The following PLXNA4 variants were observed in gnomAD, a reference collection of about 807,000 sequenced individuals.
PLXNA4 encodes plexin-A4.
PLXNA4 carries 44 observed loss-of-function variants against 191.8 expected under a neutral mutation model. The ratio of observed to expected loss-of-function variants is 0.23; its 90% confidence interval spans 0.18 to 0.29. PLXNA4 has a LOEUF of 0.29. Ranked by LOEUF, PLXNA4 falls within the 10% of genes least tolerant of loss-of-function variation. The probability of loss-of-function intolerance (pLI) is 1.00; values close to 1 mark genes in which losing one functional copy is unlikely to be tolerated. For missense variants in PLXNA4, 1,800 were observed against 2,488.8 expected, an observed-to-expected ratio of 0.72 and a Z score of 5.89; for synonymous variants, 1,082 against 1,009.5, an observed-to-expected ratio of 1.07 and a Z score of -1.36.
intron 2 of PLXNA4, among the ~76,000 whole-genome samples, chr7:132,630,092 C>T (rs1051247144): frequency 2.6e-5 from 4 of 152,150 alleles, no homozygotes; most frequent in Non-Finnish European, 5.9e-5. Context: ...CCTTGTGATC[C>T]ACCTGCCTCG....
At chr7:132,180,266 A>T (rs1796661208) in intron 19 of PLXNA4, among the ~76,000 whole-genome samples, 1 of 152,184 alleles carries the variant, frequency 6.6e-6, no homozygotes. Context: ...GAAGCACAGA[A>T]CATGATATTA....
At position 132,124,124 on chromosome 7, in the gene PLXNA4, C is replaced by CGTAT. The variant is rs1413760030; in HGVS notation, c.*6351_*6354dup. 1 of 152,200 alleles carries CGTAT rather than the reference C, an allele frequency of 6.6e-6. No individual in the cohort carries two copies. Among genetic ancestry groups the CGTAT allele is most frequent in the Admixed American group, 6.5e-5 (1 of 15,278 alleles). The allele number at this position is 152,200 out of a possible 1,614,324, so 9.4% of individuals were successfully genotyped here. On this transcript the variant is annotated 3_prime_UTR_variant, in exon 32 of 32. Coordinates refer to ENST00000321063, the MANE Select transcript of PLXNA4 (RefSeq NM_020911.2). ...AGCCAACACACGACTAAGCAAAGAC[C>CGTAT]GTATGTCTCAAGGACACCAGGCCAA...
At chr7:132,223,681 G>A in intron 8 of PLXNA4, 40 bp from the exon 9 acceptor site, 1 of 1,540,640 alleles carries the variant, frequency 6.5e-7, no homozygotes. Context: ...TAAGAACCTG[G>A]ATGAGCCCAA....
intron 3 of PLXNA4, among the ~76,000 whole-genome samples, chr7:132,377,960 T>C (rs967966142): frequency 2.6e-5 from 4 of 152,128 alleles, no homozygotes; most frequent in African/African-American, 9.7e-5. Flanking sequence ...AGGCAATGGA[T>C]AGGGCTTTCA....
At chr7:132,172,074 G>C (rs971921308) in intron 21 of PLXNA4, among the ~76,000 whole-genome samples, 2 of 152,140 alleles carry the variant, frequency 1.3e-5, no homozygotes, top group Non-Finnish European at 2.9e-5. Flanking sequence ...GAAGGAAGGA[G>C]ATGGAAGTGA....
chr7:132,136,993 C>T (rs946105258), intron 30 of PLXNA4, among the ~76,000 whole-genome samples: 2 of 152,096 alleles, frequency 1.3e-5, no homozygotes, highest in African/African-American at 2.4e-5. Context: ...GTGTGGCCTC[C>T]CTGACCACAG....
chr7:132,303,152 C>T (rs1029025488), intron 3 of PLXNA4, among the ~76,000 whole-genome samples: 5 of 151,614 alleles, frequency 3.3e-5, no homozygotes, highest in African/African-American at 4.8e-5. Context: ...GGATTACAGG[C>T]GTGAGCCACC....
At chr7:132,218,536 A>G (rs1225183323) in intron 9 of PLXNA4, among the ~76,000 whole-genome samples, 1 of 152,230 alleles carries the variant, frequency 6.6e-6, no homozygotes, top group East Asian at 1.9e-4. Context: ...TCCATCAAGG[A>G]CAAATTCTTG....
At position 132,381,366 on chromosome 7, in the gene PLXNA4, A is replaced by C. The variant is rs569010488; in HGVS notation, c.1372-83144T>G. 3.3e-5 allele frequency among the ~76,000 whole-genome samples: 5 copies of C among 152,358 alleles called. No homozygotes were observed. In the East Asian group the frequency reaches 9.6e-4, roughly 29 times the overall value. On this transcript the variant is annotated intron_variant, in intron 3 of 31. Transcript: ENST00000321063. ...AATTGTACACTTGAGACAGTGTCCTACAAGATATAAGATAAAAAAGAAGTG... is the reference window on the plus strand; with the variant it reads ...AATTGTACACTTGAGACAGTGTCCTCCAAGATATAAGATAAAAAAGAAGTG...
Position 132,125,768 on chromosome 7 carries a change from G to A in PLXNA4, c.*4711C>T, listed in dbSNP as rs77591116. The stretch of plus-strand genomic sequence containing the variant: ...GGGGCATGGGGAGAAGCCAGGGCAC[G>A]GAGCTGCCTGGGGTAGGTCTTCTCT... On this transcript the variant is annotated 3_prime_UTR_variant, in exon 32 of 32. Coordinates refer to ENST00000321063, the MANE Select transcript of PLXNA4 (RefSeq NM_020911.2). 2,311 of 152,276 alleles carry A rather than the reference G, an allele frequency of 0.015. 64 individuals carry two copies. Among genetic ancestry groups the A allele is most frequent in the African/African-American group, 0.053 (2,199 of 41,476 alleles). 9.4% of individuals were successfully genotyped at this position (152,276 alleles called of 1,614,324 possible).
At chr7:132,361,369 G>T (rs1404412510) in intron 3 of PLXNA4, among the ~76,000 whole-genome samples, 1 of 152,114 alleles carries the variant, frequency 6.6e-6, no homozygotes, top group Non-Finnish European at 1.5e-5. Flanking sequence ...TACAGAAAAT[G>T]ATGCGTTGAT....
intron 3 of PLXNA4, among the ~76,000 whole-genome samples, chr7:132,313,773 T>C (rs1005414964): frequency 4.6e-5 from 7 of 152,240 alleles, no homozygotes; most frequent in East Asian, 3.9e-4. Flanking sequence ...TAGAGGTGGA[T>C]TGTGATATCA....
At chr7:132,565,751 T>C (rs1329738541) in intron 1 of PLXNA4, among the ~76,000 whole-genome samples, 1 of 152,106 alleles carries the variant, frequency 6.6e-6, no homozygotes, top group Non-Finnish European at 1.5e-5. Flanking sequence ...ATAGGATTCC[T>C]TTTTTTGAAA....
chr7:132,425,661 T>C (rs1795013840), intron 3 of PLXNA4, among the ~76,000 whole-genome samples: 1 of 151,750 alleles, frequency 6.6e-6, no homozygotes, highest in South Asian at 2.1e-4. Flanking sequence ...CAGAAAATCA[T>C]ACAAGGAGGA....
At chr7:132,625,825 C>G (rs1461012581) in intron 2 of PLXNA4, among the ~76,000 whole-genome samples, 3 of 152,196 alleles carry the variant, frequency 2.0e-5, no homozygotes, top group Non-Finnish European at 4.4e-5. Context: ...CAGTGTCTCC[C>G]CTAGGGACTG....
Position 132,127,556 on chromosome 7 carries a change from C to CAAGA in PLXNA4, c.*2919_*2922dup, listed in dbSNP as rs1794803758. On this transcript the variant is annotated 3_prime_UTR_variant, in exon 32 of 32. Transcript: ENST00000321063. The stretch of plus-strand genomic sequence containing the variant: ...TTTAAATACCATATCACACGTGCAC[C>CAAGA]AAGAATCCAAACGGAAGAAATGGAA... The CAAGA allele has an allele frequency of 6.6e-6, 1 of 152,090 alleles. No homozygotes were observed. The highest frequency in any genetic ancestry group is 2.1e-4 in the South Asian group (1 of 4,824). 9.4% of individuals were successfully genotyped at this position (152,090 alleles called of 1,614,324 possible).
intron 1 of PLXNA4, among the ~76,000 whole-genome samples, chr7:132,648,131 ACT>A (rs1803920093): frequency 6.6e-6 from 1 of 152,090 alleles, no homozygotes; most frequent in Non-Finnish European, 1.5e-5. Flanking sequence ...TCACACATAC[ACT>A]CACGTACACA....
chr7:132,595,526 C>T (rs1158188787), intron 2 of PLXNA4, among the ~76,000 whole-genome samples: 1 of 152,136 alleles, frequency 6.6e-6, no homozygotes, highest in Non-Finnish European at 1.5e-5. Flanking sequence ...GAGGGAAGAC[C>T]TGAATAATTA....
chr7:132,178,934 T>TACACATATATACAC (rs1796585400), intron 20 of PLXNA4, among the ~76,000 whole-genome samples: 1 of 94,476 alleles, frequency 1.1e-5, no homozygotes, highest in African/African-American at 5.1e-5. Context: ...CACATACGCA[T>TACACATATATACAC]ACACACACGT....
Sources: gnomAD v4.1 joint callset for allele counts (sites outside exome capture counted in the v4.1 genomes callset) on GRCh38, gnomAD v4.1.1 for gene constraint, MANE v1.5 for transcripts, NCBI Gene and HGNC (gene_info 2026-07-23, HGNC 2026-07-21) for gene names.